The following MGST1 variants were observed in gnomAD, a reference collection of about 807,000 sequenced individuals.
The protein encoded by MGST1 is glutathione S-transferase 12.
A neutral mutation model predicts 8.9 loss-of-function variants in MGST1; 5 were observed. The observed-to-expected ratio is 0.56, with a 90% CI of 0.29 to 1.19. The LOEUF is 1.19. Ranked by LOEUF, MGST1 falls within the 50% of genes most tolerant of loss-of-function variation. The pLI, the probability that MGST1 is intolerant of heterozygous loss-of-function variation, is 0.08. For missense variants in MGST1, 182 were observed against 187.4 expected (o/e 0.97, Z 0.17); for synonymous variants, 54 against 67.8 (o/e 0.80, Z 1.00).
intron 4 of MGST1, among the ~76,000 whole-genome samples, chr12:16,454,890 A>G (rs1461323316): frequency 6.7e-6 from 1 of 148,886 alleles, no homozygotes; most frequent in East Asian, 2.0e-4. Context: ...AAAAAAAAAA[A>G]AAAAAAAAAA....
downstream of MGST1, among the ~76,000 whole-genome samples, chr12:16,593,067 T>C (rs1007911690): frequency 6.6e-6 from 1 of 151,850 alleles, no homozygotes; most frequent in Non-Finnish European, 1.5e-5. The surrounding 1 kb of genome is among the most constrained non-coding windows in gnomAD (Gnocchi z 4.2). Context: ...TGTTAAACAT[T>C]AGGATTAGCA....
At chr12:16,530,777 G>A (rs371296206) in intron 4 of MGST1, among the ~76,000 whole-genome samples, 2 of 152,120 alleles carry the variant, frequency 1.3e-5, no homozygotes, top group African/African-American at 2.4e-5. Context: ...TAACAGGCAA[G>A]TAGTTTTGAA....
chr12:16,417,459 G>A (rs145741619), intron 1 of MGST1, among the ~76,000 whole-genome samples: 1 of 152,204 alleles, frequency 6.6e-6, no homozygotes, highest in Non-Finnish European at 1.5e-5. Context: ...TGGGGACAGA[G>A]AGCCAGACCA....
At chr12:16,451,101 A>C (rs1339244982) in intron 4 of MGST1, among the ~76,000 whole-genome samples, 1 of 151,980 alleles carries the variant, frequency 6.6e-6, no homozygotes, top group Non-Finnish European at 1.5e-5. Context: ...ACAGATGTAT[A>C]AGTATCATTT....
At chr12:16,430,556 A>C (rs1387235268) in intron 1 of MGST1, among the ~76,000 whole-genome samples, 1 of 152,148 alleles carries the variant, frequency 6.6e-6, no homozygotes, top group Non-Finnish European at 1.5e-5. Flanking sequence ...TTACACATCC[A>C]TCAGAGCTCT....
chr12:16,399,859 C>A, intron 1 of MGST1: 1 of 1,229,426 alleles, frequency 8.1e-7, no homozygotes, highest in Non-Finnish European at 1.2e-6. Context: ...AGACAATTAC[C>A]ATATCAAAGT....
intron 3 of MGST1, among the ~76,000 whole-genome samples, chr12:16,360,827 A>G (rs1382557660): frequency 6.6e-6 from 1 of 152,214 alleles, no homozygotes; most frequent in African/African-American, 2.4e-5. Flanking sequence ...AGCATAGGCT[A>G]GGGGTTGAAC....
intron 4 of MGST1, among the ~76,000 whole-genome samples, chr12:16,501,523 G>A (rs2137168527): frequency 6.6e-6 from 1 of 152,206 alleles, no homozygotes; most frequent in South Asian, 2.1e-4. Context: ...AGACAGAAGT[G>A]GATGTATTCT....
chr12:16,546,230 C>T lies in MGST1; in HGVS notation n.483-43298C>T, dbSNP rs1157282036. ...GCTTTAGGTGATTTAAACTCTTCTC[C>T]AGGAGCAGGGTGAAAAAAGATTTTG... On this transcript the variant is annotated intron_variant and non_coding_transcript_variant, in intron 4 of 4. Coordinates refer to the MGST1 transcript ENST00000538857. This position sits in a 1 kb window ranked among gnomAD's most constrained non-coding sequence, Gnocchi z 4.7. 1.3e-5 allele frequency among the ~76,000 whole-genome samples: 2 copies of T among 152,048 alleles called. No homozygotes were observed. Among genetic ancestry groups the T allele is most frequent in the Non-Finnish European group, 2.9e-5 (2 of 67,968 alleles).
chr12:16,538,775 A>AT (rs1390160589), intron 4 of MGST1, among the ~76,000 whole-genome samples: 1 of 151,724 alleles, frequency 6.6e-6, no homozygotes, highest in African/African-American at 2.4e-5. Context: ...TGCCTGGCTA[A>AT]TTTTTTGTAT....
chr12:16,449,181 A>G (rs1212902432), intron 4 of MGST1, among the ~76,000 whole-genome samples: 1 of 151,962 alleles, frequency 6.6e-6, no homozygotes, highest in African/African-American at 2.4e-5. Flanking sequence ...CTGTACAGGA[A>G]GCTTGTTGTC....
At chr12:16,535,474 A>G (rs1941751439) in intron 4 of MGST1, among the ~76,000 whole-genome samples, 1 of 152,242 alleles carries the variant, frequency 6.6e-6, no homozygotes, top group Admixed American at 6.5e-5. Context: ...ATCAAGTTCC[A>G]GCATGACGGA....
intron 1 of MGST1, among the ~76,000 whole-genome samples, chr12:16,408,378 T>A (rs79269236): frequency 2.6e-5 from 4 of 152,018 alleles, no homozygotes; most frequent in African/African-American, 9.7e-5. Context: ...CTAAAATAAA[T>A]TTTTTTTAAA....
intron 1 of MGST1, among the ~76,000 whole-genome samples, chr12:16,407,836 A>C (rs1010206509): frequency 6.6e-6 from 1 of 152,034 alleles, no homozygotes; most frequent in Non-Finnish European, 1.5e-5. Context: ...GATCAAGACC[A>C]TCCTGGCCAA....
At position 16,362,078 on chromosome 12, in the gene MGST1, G is replaced by C. The variant is rs998599550; in HGVS notation, c.222-1717G>C. 6.6e-6 allele frequency among the ~76,000 whole-genome samples: 1 copy of C among 152,166 alleles called. No homozygotes were observed. Among genetic ancestry groups the C allele is most frequent in the Non-Finnish European group, 1.5e-5 (1 of 68,030 alleles). ...CTTAAAATGTCTGTCCTTTTGGCAT[G>C]TTGTGAAGGAGAACACTAACGTGCC... On this transcript the variant is annotated intron_variant, in intron 3 of 3. Coordinates refer to ENST00000396210, the MANE Select transcript of MGST1 (RefSeq NM_020300.5). The surrounding 1 kb of genome is among the most constrained non-coding windows in gnomAD (Gnocchi z 4.4).
intron 3 of MGST1, among the ~76,000 whole-genome samples, chr12:16,373,417 C>T (rs1357705228): frequency 6.6e-6 from 1 of 151,556 alleles, no homozygotes; most frequent in Admixed American, 6.6e-5. Context: ...TGGAGTGTTC[C>T]TAACACAAAG....
At chr12:16,476,955 C>T (rs1260845511) in intron 4 of MGST1, among the ~76,000 whole-genome samples, 1 of 152,140 alleles carries the variant, frequency 6.6e-6, no homozygotes, top group Non-Finnish European at 1.5e-5. Context: ...TTGAGCCAAT[C>T]AGTCTTAATC....
intron 1 of MGST1, among the ~76,000 whole-genome samples, chr12:16,384,515 G>T (rs1940486850): frequency 6.6e-6 from 1 of 152,132 alleles, no homozygotes; most frequent in South Asian, 2.1e-4. Flanking sequence ...GTAGGAGAGA[G>T]GCAAGGAACA....
chr12:16,577,433 T>C (rs1005492991), intron 4 of MGST1, among the ~76,000 whole-genome samples: 3 of 152,274 alleles, frequency 2.0e-5, no homozygotes, highest in Middle Eastern at 3.4e-3. Flanking sequence ...ATCATATAGG[T>C]TGTCATCTTA....
Sources: allele counts gnomAD v4.1 joint callset (sites outside exome capture counted in the v4.1 genomes callset), GRCh38; gene constraint gnomAD v4.1.1; non-coding constraint Gnocchi (gnomAD v3.1); transcripts MANE v1.5; gene names NCBI Gene and HGNC (gene_info 2026-07-23, HGNC 2026-07-21).